NBPF11: variants seen among roughly 807,000 people sequenced by gnomAD.
The protein encoded by NBPF11 is NBPF member 11, also known as NBPF family member NBPF11.
NBPF11 carries 72 observed loss-of-function variants against 93.9 expected under a neutral mutation model. The ratio of observed to expected loss-of-function variants is 0.77; its 90% CI spans 0.63 to 0.93. NBPF11 has a LOEUF of 0.93. NBPF11 is among the 40% of genes least tolerant of loss of function. The pLI is 0.00. For missense variants in NBPF11, 705 were observed against 802.2 expected (o/e 0.88, Z 1.46); for synonymous variants, 224 against 304.9 (o/e 0.73, Z 2.76).
chr1:148,122,180 C>A lies in NBPF11; in HGVS notation c.653G>T (p.Cys218Phe), dbSNP rs1227370650. ...GTTCTTGTGAGGCTGGATGGAGTCACAAGGGCCGTGGCTATTTGAACAAGT... is the reference window on the plus strand; with the variant it reads ...GTTCTTGTGAGGCTGGATGGAGTCAAAAGGGCCGTGGCTATTTGAACAAGT... Reference protein sequence around the residue: ...AITCSNSHGPCDSIQPHKNIK... With the variant: ...AITCSNSHGPFDSIQPHKNIK... The change falls in exon 9 of 24, where the codon TGT becomes TTT. Residue 218 changes from cysteine (C) to phenylalanine (F), a missense_variant. By Grantham distance (205) the Cys-to-Phe change is radical (BLOSUM62 -2). Transcript: ENST00000682118. The A allele has an allele frequency of 5.4e-5, 87 of 1,612,934 alleles. No homozygotes were observed. Among genetic ancestry groups the A allele is most frequent in the East Asian group, 2.2e-5 (1 of 44,868 alleles).
chr1:148,129,080 T>C (rs1320392560), intron 4 of NBPF11, among the ~76,000 whole-genome samples: 2 of 124,520 alleles, frequency 1.6e-5, no homozygotes, highest in African/African-American at 3.0e-5. Context: ...CAAACCAACA[T>C]GGCACACGTG....
rs1667955068 is a variant in NBPF11, at chr1:148,121,889, A to G, written c.778+166T>C. On this transcript the variant is annotated intron_variant, in intron 9 of 23. Coordinates refer to ENST00000682118, the MANE Select transcript of NBPF11 (RefSeq NM_001385469.3). The stretch of plus-strand genomic sequence containing the variant: ...ACTCCTGAACTCAAGTCATCCTCCC[A>G]CTTGGGCCTTCCAAAGTGCTGTGAT... Among the ~76,000 whole-genome samples the G allele has an allele frequency of 1.3e-5, 2 of 151,806 alleles. 1 individual carries two copies. The highest frequency in any genetic ancestry group is 2.9e-5 in the Non-Finnish European group (2 of 67,974).
chr1:148,143,081 G>A (rs1672457504), intron 2 of NBPF11, among the ~76,000 whole-genome samples: 1 of 146,958 alleles, frequency 6.8e-6, no homozygotes, highest in African/African-American at 2.5e-5. Flanking sequence ...CAGCAGGGTG[G>A]AAACAGAGAG....
intron 1 of NBPF11, among the ~76,000 whole-genome samples, chr1:148,151,178 A>C (rs1211350814): frequency 6.6e-6 from 1 of 151,802 alleles, no homozygotes; most frequent in African/African-American, 2.4e-5. Flanking sequence ...CCACAGTCCA[A>C]CCTACCAGAA....
intron 2 of NBPF11, among the ~76,000 whole-genome samples, chr1:148,139,952 A>G (rs1671915855): frequency 6.6e-6 from 1 of 151,120 alleles, no homozygotes. Context: ...AAGTTTTACT[A>G]CAATGATCTC....
At chr1:148,150,508 A>C (rs1434389338) in intron 1 of NBPF11, among the ~76,000 whole-genome samples, 4 of 147,868 alleles carry the variant, frequency 2.7e-5, no homozygotes, top group African/African-American at 9.9e-5. Flanking sequence ...GCATTTTAGA[A>C]TAGAAAAAAA....
chr1:148,149,458 G>A (rs1311362912), intron 1 of NBPF11: 117 of 1,588,744 alleles, frequency 7.4e-5, no homozygotes, highest in Non-Finnish European at 8.4e-5. Flanking sequence ...AGGCGGTGGA[G>A]CCGCTGTGGG....
rs1332431604 is a variant in NBPF11, at chr1:148,123,720, C to G, written c.493+133G>C. The G allele has an allele frequency of 2.1e-5, 33 of 1,592,794 alleles. No homozygotes were observed. In the South Asian group the frequency reaches 3.4e-4, roughly 17 times the overall value. On this transcript the variant is annotated intron_variant, in intron 7 of 23. Transcript: ENST00000682118. Reference sequence around the variant, plus strand: ...CATTTCTGTTCTTACTCAGGAAGTCCTGATCATGTCATGGCCACATATGTG... The same window carrying G: ...CATTTCTGTTCTTACTCAGGAAGTCGTGATCATGTCATGGCCACATATGTG...
chr1:148,146,400 C>A (rs1673083707), intron 1 of NBPF11: 1 of 1,597,774 alleles, frequency 6.3e-7, no homozygotes, highest in South Asian at 1.1e-5. Flanking sequence ...CCGCCATGAA[C>A]GGGCTGTCGC....
chr1:148,111,483 C>A (rs1278680298), intron 15 of NBPF11, among the ~76,000 whole-genome samples: 23 of 152,002 alleles, frequency 1.5e-4, no homozygotes, highest in South Asian at 4.2e-4. Context: ...GCGAACTCAT[C>A]GCAAGGAAGC....
chr1:148,133,324 A>G (rs1488630802), intron 4 of NBPF11, among the ~76,000 whole-genome samples: 1 of 151,982 alleles, frequency 6.6e-6, no homozygotes, highest in Non-Finnish European at 1.5e-5. Flanking sequence ...TTCTTACTTT[A>G]TTGCATTGAC....
rs1359279375 is a variant in NBPF11, at chr1:148,142,691, C to T, written c.-277+724G>A. The stretch of plus-strand genomic sequence containing the variant: ...AGTGGTGGGTTCCGTGGGGTAGTGA[C>T]CTGAGATTTACTCATTATGGGGCCT... On this transcript the variant is annotated intron_variant, in intron 2 of 23. Coordinates refer to ENST00000682118, the MANE Select transcript of NBPF11 (RefSeq NM_001385469.3). 3.1e-3 allele frequency among the ~76,000 whole-genome samples: 478 copies of T among 152,054 alleles called. 1 individual carries two copies. The highest frequency in any genetic ancestry group is 0.011 in the African/African-American group (447 of 41,408).
At chr1:148,147,478 C>T (rs1673365323) in intron 1 of NBPF11, among the ~76,000 whole-genome samples, 1 of 152,062 alleles carries the variant, frequency 6.6e-6, no homozygotes, top group Non-Finnish European at 1.5e-5. Context: ...TCCACGTCCC[C>T]AGCCCTGTGC....
chr1:148,106,397 T>G lies in NBPF11; in HGVS notation c.2252-165A>C, dbSNP rs1284322762. ...CCTGAAAGCTGGTCATGATATTCTT[T>G]GGTTTGCATCTCAGAACCAAGGGTG... On this transcript the variant is annotated intron_variant, in intron 20 of 23. Coordinates refer to ENST00000682118, the MANE Select transcript of NBPF11 (RefSeq NM_001385469.3). Among the ~76,000 whole-genome samples the G allele has an allele frequency of 4.7e-5, 7 of 149,450 alleles. No individual in the cohort carries two copies. In the South Asian group the frequency reaches 1.5e-3, roughly 32 times the overall value.
At chr1:148,105,791 A>AG in intron 21 of NBPF11, among the ~76,000 whole-genome samples, 1 of 105,298 alleles carries the variant, frequency 9.5e-6, no homozygotes, top group African/African-American at 4.8e-5. Flanking sequence ...GAGAGAGAGA[A>AG]AACGAGCTCA....
intron 15 of NBPF11, among the ~76,000 whole-genome samples, chr1:148,113,409 A>G (rs1267517314): frequency 4.2e-3 from 634 of 151,444 alleles, no homozygotes; most frequent in Admixed American, 8.1e-3. Flanking sequence ...CAATTCAACA[A>G]GAAGAGTTAA....
intron 1 of NBPF11, among the ~76,000 whole-genome samples, chr1:148,147,311 G>C (rs1202306594): frequency 2.0e-5 from 3 of 152,060 alleles, no homozygotes; most frequent in African/African-American, 7.3e-5. Context: ...CAAGTGAGGC[G>C]AGGCTGCTGC....
At chr1:148,132,203 A>C (rs1394659652) in intron 4 of NBPF11, among the ~76,000 whole-genome samples, 1 of 134,858 alleles carries the variant, frequency 7.4e-6, no homozygotes, top group Non-Finnish European at 1.6e-5. Flanking sequence ...CGGTGAATAT[A>C]TATATATATA....
At chr1:148,146,205 G>A (rs1426864179) in intron 1 of NBPF11, among the ~76,000 whole-genome samples, 1 of 151,650 alleles carries the variant, frequency 6.6e-6, no homozygotes, top group African/African-American at 2.4e-5. Context: ...AGGCTCCCTG[G>A]GGCTCGGCTT....
Sources: gnomAD v4.1 joint callset for allele counts (sites outside exome capture counted in the v4.1 genomes callset) on GRCh38, gnomAD v4.1.1 for gene constraint, MANE v1.5 for transcripts, NCBI Gene and HGNC (gene_info 2026-07-23, HGNC 2026-07-21) for gene names.